RPS3: variants seen among roughly 807,000 people sequenced by gnomAD.
RPS3 encodes the protein ribosomal protein S3, also known as small ribosomal subunit protein uS3.
Under a neutral mutation model 25.8 loss-of-function variants are expected in RPS3, and 2 were observed. The observed-to-expected ratio is 0.08, with a 90% CI of 0.03 to 0.24. RPS3 has a LOEUF of 0.24. Ranked by LOEUF, RPS3 falls within the 10% of genes least tolerant of loss-of-function variation. The pLI, the probability that RPS3 is intolerant of heterozygous loss-of-function variation, is 1.00. For missense variants in RPS3, 107 were observed against 307.1 expected (o/e 0.35, Z 4.87); for synonymous variants, 114 against 114.2 (o/e 1.00, Z 0.01).
rs1948283115 is a variant in RPS3, at chr11:75,405,978, A to G, written c.*368A>G. On this transcript the variant is annotated 3_prime_UTR_variant, in exon 7 of 7. Transcript: ENST00000531188. The stretch of plus-strand genomic sequence containing the variant: ...GATCCACGTTGCACATAGAAAGTGA[A>G]TATAAATGGCCATTATATTTTGTGT... The G allele has an allele frequency of 5.9e-6, 1 of 169,090 alleles. No homozygotes were observed. The highest frequency in any genetic ancestry group is 2.4e-5 in the African/African-American group (1 of 41,862). The allele number at this position is 169,090 out of a possible 1,614,324, so 10.5% of individuals were successfully genotyped here.
intron 6 of RPS3, among the ~76,000 whole-genome samples, chr11:75,415,154 C>T (rs1365432274): frequency 6.6e-6 from 1 of 152,196 alleles, no homozygotes; most frequent in Admixed American, 6.5e-5. Context: ...CTCTGCAGTG[C>T]TTTACTAAGG....
chr11:75,401,335 C>T (rs1246955279), intron 2 of RPS3, among the ~76,000 whole-genome samples: 1 of 152,174 alleles, frequency 6.6e-6, no homozygotes, highest in Non-Finnish European at 1.5e-5. Flanking sequence ...GGGAAACCCC[C>T]GCTCTACAAA....
At chr11:75,420,891 G>A (rs1396248423) in intron 6 of RPS3, among the ~76,000 whole-genome samples, 1 of 152,086 alleles carries the variant, frequency 6.6e-6, no homozygotes, top group South Asian at 2.1e-4. Flanking sequence ...GAGAGGGCAC[G>A]TGCACGAAAG....
intron 6 of RPS3, among the ~76,000 whole-genome samples, chr11:75,417,228 G>C (rs1284162048): frequency 6.6e-6 from 1 of 152,162 alleles, no homozygotes; most frequent in Non-Finnish European, 1.5e-5. Flanking sequence ...CCAGCACTTT[G>C]GGAGGCCGAA....
downstream of RPS3, among the ~76,000 whole-genome samples, chr11:75,409,911 C>T (rs868808746): frequency 9.3e-3 from 1,375 of 148,096 alleles, 3 homozygotes; most frequent in Middle Eastern, 0.019. Context: ...CCCCTCACCT[C>T]CCGGACGGGG....
chr11:75,406,419 G>C lies in RPS3; in HGVS notation c.*809G>C, dbSNP rs1948288686. On this transcript the variant is annotated 3_prime_UTR_variant, in exon 7 of 7. Coordinates refer to ENST00000531188, the MANE Select transcript of RPS3 (RefSeq NM_001005.5). ...ACAGAGGGGACTTCCAGGGAAAGCTGTTATCAGGTGGCTGCTTCCTGGTGA... is the reference window on the plus strand; with the variant it reads ...ACAGAGGGGACTTCCAGGGAAAGCTCTTATCAGGTGGCTGCTTCCTGGTGA... The C allele has an allele frequency of 6.6e-6, 1 of 152,198 alleles. No homozygotes were observed. Among genetic ancestry groups the C allele is most frequent in the Non-Finnish European group, 1.5e-5 (1 of 68,042 alleles). The allele number at this position is 152,198 out of a possible 1,614,324, so 9.4% of individuals were successfully genotyped here.
intron 4 of RPS3, 108 bp from the exon 5 acceptor site, chr11:75,403,912 A>G (rs908100790): frequency 1.9e-6 from 2 of 1,072,128 alleles, no homozygotes; most frequent in African/African-American, 1.6e-5. Flanking sequence ...ACTCTGGTCA[A>G]ATTATTCTCC....
chr11:75,418,248 C>T (rs1948415452), intron 6 of RPS3, among the ~76,000 whole-genome samples: 1 of 152,246 alleles, frequency 6.6e-6, no homozygotes, highest in Admixed American at 6.5e-5. Context: ...GGGGCAATGC[C>T]AGGACCACCC....
downstream of RPS3, among the ~76,000 whole-genome samples, chr11:75,407,579 C>A (rs1396692862): frequency 1.3e-5 from 2 of 152,248 alleles, no homozygotes; most frequent in African/African-American, 4.8e-5. Context: ...TCACACCATC[C>A]TACCTCAGCC....
Position 75,404,212 on chromosome 11 carries a change from GC to G in RPS3, c.538+6del. 6.2e-7 allele frequency: 1 copy of G among 1,610,784 alleles called. No individual in the cohort carries two copies. The highest frequency in any genetic ancestry group is 2.2e-5 in the East Asian group (1 of 44,810). Reference sequence around the variant, plus strand: ...GCCACGTGTTGCTCAGACAGGGTGAGCAGCTGAGAGTGCTTGGCAAAGGGCA... The same window carrying G: ...GCCACGTGTTGCTCAGACAGGGTGAGAGCTGAGAGTGCTTGGCAAAGGGCA... On this transcript the variant is annotated splice_donor_region_variant and intron_variant, in intron 5 of 6. Coordinates refer to ENST00000531188, the MANE Select transcript of RPS3 (RefSeq NM_001005.5). The surrounding 1 kb of genome is among the most constrained non-coding windows in gnomAD (Gnocchi z 4.6).
intron 6 of RPS3, among the ~76,000 whole-genome samples, chr11:75,417,963 G>T (rs532751): frequency 1.3e-5 from 2 of 152,076 alleles, no homozygotes; most frequent in Non-Finnish European, 2.9e-5. Context: ...GCCCAGCCTC[G>T]GCCCGGATCA....
downstream of RPS3, among the ~76,000 whole-genome samples, chr11:75,408,285 T>C (rs1376338034): frequency 6.6e-6 from 1 of 152,096 alleles, no homozygotes; most frequent in African/African-American, 2.4e-5. Flanking sequence ...GGTGGATCAC[T>C]TGAGCCCAGA....
intron 4 of RPS3, chr11:75,403,809 A>G: frequency 2.0e-6 from 1 of 507,636 alleles, no homozygotes; most frequent in Non-Finnish European, 3.5e-6. Context: ...CAGGGTTGGA[A>G]AGTACATATT....
chr11:75,404,898 G>A lies in RPS3; in HGVS notation c.*3+30G>A. The A allele has an allele frequency of 7.0e-7, 1 of 1,433,018 alleles. No homozygotes were observed. Among genetic ancestry groups the A allele is most frequent in the East Asian group, 2.3e-5 (1 of 43,166 alleles). The allele number at this position is 1,433,018 out of a possible 1,614,324, so 88.8% of individuals were successfully genotyped here. A position where few individuals can be genotyped will look rare whatever the true frequency, so the allele number is the denominator to read the frequency against. On this transcript the variant is annotated intron_variant, in intron 6 of 6. Transcript: ENST00000531188. This position sits in a 1 kb window ranked among gnomAD's most constrained non-coding sequence, Gnocchi z 4.6. The stretch of plus-strand genomic sequence containing the variant: ...GTCTGCAAGGGCAGGGGCCTCTTGG[G>A]GCATAATAGGGTCCTTCCGAGTCTT...
downstream of RPS3, among the ~76,000 whole-genome samples, chr11:75,410,170 C>T (rs1336390637): frequency 6.7e-6 from 1 of 149,856 alleles, no homozygotes. Context: ...GGGGGGCTGA[C>T]CCCCCCACCT....
At chr11:75,416,284 T>C (rs1948397617) in intron 6 of RPS3, among the ~76,000 whole-genome samples, 1 of 152,124 alleles carries the variant, frequency 6.6e-6, no homozygotes, top group African/African-American at 2.4e-5. Flanking sequence ...AATACCTAAA[T>C]TCATGATATT....
Position 75,404,270 on chromosome 11 carries a change from C to G in RPS3, c.538+63C>G. On this transcript the variant is annotated intron_variant, in intron 5 of 6. Transcript: ENST00000531188. This position sits in a 1 kb window ranked among gnomAD's most constrained non-coding sequence, Gnocchi z 4.6. ...GACAGATTTGGTTTTCCACAGACAT[C>G]TTAAGTATTTGGGGGAGTTTATCAT... The G allele has an allele frequency of 6.8e-7, 1 of 1,461,766 alleles. No individual in the cohort carries two copies. The allele number at this position is 1,461,766 out of a possible 1,614,324, so 90.5% of individuals were successfully genotyped here. A position where few individuals can be genotyped will look rare whatever the true frequency, so the allele number is the denominator to read the frequency against.
At chr11:75,418,864 A>G (rs1235983666) in intron 6 of RPS3, among the ~76,000 whole-genome samples, 3 of 152,126 alleles carry the variant, frequency 2.0e-5, no homozygotes, top group Non-Finnish European at 4.4e-5. Context: ...ACTGTGATAT[A>G]TGCATCCCAC....
rs1948180172 is a variant in RPS3, at chr11:75,399,933, G to T, written c.30+356G>T. On this transcript the variant is annotated intron_variant, in intron 1 of 6. Transcript: ENST00000531188. ...GTGGTTTTGGGAAGAGAAGGCAGCAGTGTATTCTTGCCTTAACTGGTCGTT... is the reference window on the plus strand; with the variant it reads ...GTGGTTTTGGGAAGAGAAGGCAGCATTGTATTCTTGCCTTAACTGGTCGTT... 3 of 373,378 alleles carry T rather than the reference G, an allele frequency of 8.0e-6. No homozygotes were observed. The Admixed American group carries it at 1.3e-4, about 17-fold the overall frequency. The allele number at this position is 373,378 out of a possible 1,614,324, so 23.1% of individuals were successfully genotyped here.
Sources: gnomAD v4.1 joint callset for allele counts (sites outside exome capture counted in the v4.1 genomes callset) on GRCh38, gnomAD v4.1.1 for gene constraint, Gnocchi (gnomAD v3.1) non-coding constraint, MANE v1.5 for transcripts, NCBI Gene and HGNC (gene_info 2026-07-23, HGNC 2026-07-21) for gene names.